TIMM44: variants seen among roughly 807,000 people sequenced by gnomAD.
The protein encoded by TIMM44 is mitochondrial import inner membrane translocase subunit TIM44.
TIMM44 carries 37 observed loss-of-function variants against 63.8 expected under a neutral mutation model. The observed-to-expected ratio is 0.58, with a 90% CI of 0.45 to 0.76. The LOEUF is 0.76. TIMM44 is among the 30% of genes least tolerant of loss of function. The pLI is 0.00. For missense variants in TIMM44, 573 were observed against 603.8 expected (o/e 0.95, Z 0.54); for synonymous variants, 239 against 245.1 (o/e 0.98, Z 0.23).
At chr19:7,941,703 C>T (rs968187315) in intron 1 of TIMM44, among the ~76,000 whole-genome samples, 2 of 151,964 alleles carry the variant, frequency 1.3e-5, no homozygotes, top group Non-Finnish European at 2.9e-5. Context: ...GTCTGTACCT[C>T]CAGGGCCTAC....
At position 7,932,648 on chromosome 19, in the gene TIMM44, G is replaced by A; in HGVS notation, c.966C>T (p.Asp322=). The part of the protein sequence containing the change: ...KDRFLKQCEN[D]IIPNVLEAMI... ...CCACCTCCAGGACATTGGGGATGAT[G>A]TCGTTCTCGCACTGTTTCAGAAACC... is the stretch of plus-strand genomic sequence containing the variant. Residue 322 remains aspartate (D), a synonymous_variant, in exon 9 of 13, where the codon GAC becomes GAT. Coordinates refer to ENST00000270538, the MANE Select transcript of TIMM44 (RefSeq NM_006351.4). 2.5e-6 allele frequency: 4 copies of A among 1,613,974 alleles called. No homozygotes were observed. Among genetic ancestry groups the A allele is most frequent in the Non-Finnish European group, 2.5e-6 (3 of 1,180,028 alleles).
rs1443369449 is a variant in TIMM44, at chr19:7,938,070, C to T, written c.269G>A (p.Arg90Lys). The part of the protein sequence containing the change: ...SIKKFRDEAR[R>K]LEESDVLQEA... ...CTGGAGCACGTCTGATTCTTCTAGCCTTCTGGCCTCGTCACGGAATTTTTT... is the reference window on the plus strand; with the variant it reads ...CTGGAGCACGTCTGATTCTTCTAGCTTTCTGGCCTCGTCACGGAATTTTTT... Residue 90 changes from arginine (R) to lysine (K), a missense_variant, in exon 3 of 13, where the codon AGG becomes AAG. Physicochemically the swap from Arg to Lys is conservative, Grantham distance 26. Transcript: ENST00000270538. The T allele has an allele frequency of 1.9e-6, 3 of 1,614,118 alleles. No individual in the cohort carries two copies. The highest frequency in any genetic ancestry group is 1.7e-5 in the Admixed American group (1 of 59,990).
intron 10 of TIMM44, 124 bp from the exon 11 acceptor site, chr19:7,928,290 A>C (rs1187619535): frequency 1.3e-6 from 1 of 792,350 alleles, no homozygotes. Flanking sequence ...GGCAGAGGCC[A>C]AGAACCCAGG....
At chr19:7,938,546 C>A (rs900859011) in intron 2 of TIMM44, among the ~76,000 whole-genome samples, 9 of 152,154 alleles carry the variant, frequency 5.9e-5, no homozygotes, top group African/African-American at 2.2e-4. Context: ...GTGGTTCACG[C>A]CTGTAATCCC....
chr19:7,931,200 G>A lies in TIMM44; in HGVS notation c.988-12C>T. 1 of 1,613,572 alleles carries A rather than the reference G, an allele frequency of 6.2e-7. No individual in the cohort carries two copies. Among genetic ancestry groups the A allele is most frequent in the Non-Finnish European group, 8.5e-7 (1 of 1,179,548 alleles). On this transcript the variant is annotated splice_polypyrimidine_tract_variant and intron_variant, in intron 9 of 12. Coordinates refer to ENST00000270538, the MANE Select transcript of TIMM44 (RefSeq NM_006351.4). ...CCAGAAATCATGGCCTAAAAAGGAA[G>A]GGAAAATAAGCACCAGAACGAGAGT...
At chr19:7,937,179 TGAG>T (rs1984180141) in intron 3 of TIMM44, among the ~76,000 whole-genome samples, 1 of 151,916 alleles carries the variant, frequency 6.6e-6, no homozygotes, top group African/African-American at 2.4e-5. Context: ...TCCGGGAGGC[TGAG>T]GCAGGAGAAT....
rs1246530921 is a variant in TIMM44 at position 7,934,415 on chromosome 19, C to T, written c.394-177G>A. On this transcript the variant is annotated intron_variant, in intron 4 of 12. Coordinates refer to ENST00000270538, the MANE Select transcript of TIMM44 (RefSeq NM_006351.4). This position sits in a 1 kb window ranked among gnomAD's most constrained non-coding sequence, Gnocchi z 5.3. ...CCAGAGCCATGAGCACAACGGCACC[C>T]CCAGAGCCACGAGCACACCGCCACC... is the stretch of plus-strand genomic sequence containing the variant. 1.3e-5 allele frequency among the ~76,000 whole-genome samples: 2 copies of T among 150,876 alleles called. No homozygotes were observed. The highest frequency in any genetic ancestry group is 3.0e-5 in the Non-Finnish European group (2 of 67,672).
In TIMM44 at chr19:7,933,385, G is replaced by T; in HGVS notation, c.769+100C>A. 1.9e-6 allele frequency: 2 copies of T among 1,078,866 alleles called. No individual in the cohort carries two copies. Among genetic ancestry groups the T allele is most frequent in the Non-Finnish European group, 2.9e-6 (2 of 691,298 alleles). 66.8% of individuals were successfully genotyped at this position (1,078,866 alleles called of 1,614,324 possible). On this transcript the variant is annotated intron_variant, in intron 7 of 12. Transcript: ENST00000270538. This position sits in a 1 kb window ranked among gnomAD's most constrained non-coding sequence, Gnocchi z 4.3. The stretch of plus-strand genomic sequence containing the variant: ...CACTCTGACCCCGATCTCCTCCTCT[G>T]CAAAACGGGGCTGTCTTGTGCCCAA...
At position 7,941,145 on chromosome 19, in the gene TIMM44, C is replaced by G. The variant is rs372206542; in HGVS notation, c.98G>C (p.Gly33Ala). The G allele has an allele frequency of 1.2e-5, 20 of 1,614,080 alleles. No homozygotes were observed. The East Asian group carries it at 2.5e-4, about 20-fold the overall frequency. Residue 33 changes from glycine (G) to alanine (A), a missense_variant, in exon 2 of 13, where the codon GGG becomes GCG. Physicochemically the swap from Gly to Ala is moderately conservative, Grantham distance 60. Coordinates refer to ENST00000270538, the MANE Select transcript of TIMM44 (RefSeq NM_006351.4). ...QFLSSHNLPH[G>A]STYQMRRPGG... ...CGGCCGGCGCATCTGATAGGTCGAC[C>G]CATGGGGTAGGTTGTGGCTGGAAAG...
Position 7,932,746 on chromosome 19 carries a change from G to A in TIMM44, c.868C>T (p.Leu290=). The change falls in exon 9 of 13, where the codon CTG becomes TTG. Residue 290 remains leucine (L), a synonymous_variant. Transcript: ENST00000270538. ...TCCGACATCTCTGTCTTGGAGAACA[G>A]GCCCCCTGCAGGGAGCAGAGCCGGG... is the stretch of plus-strand genomic sequence containing the variant. ...TDKVTDLLGG[L]FSKTEMSEVL... The A allele has an allele frequency of 1.9e-6, 3 of 1,614,140 alleles. No homozygotes were observed. Among genetic ancestry groups the A allele is most frequent in the Non-Finnish European group, 2.5e-6 (3 of 1,179,988 alleles).
At chr19:7,929,142 C>T (rs375029625) in intron 10 of TIMM44, among the ~76,000 whole-genome samples, 2 of 151,956 alleles carry the variant, frequency 1.3e-5, no homozygotes, top group Non-Finnish European at 2.9e-5. Context: ...GGTCGGGGAG[C>T]GAATAGGGTG....
chr19:7,934,276 G>A lies in TIMM44; in HGVS notation c.394-38C>T. On this transcript the variant is annotated intron_variant, in intron 4 of 12. Coordinates refer to ENST00000270538, the MANE Select transcript of TIMM44 (RefSeq NM_006351.4). The surrounding 1 kb of genome is among the most constrained non-coding windows in gnomAD (Gnocchi z 5.3). Reference sequence around the variant, plus strand: ...ACACAGAGAGGGGGCGTTGGCACCGGCCCTGGCGGCCGGGGGGCGGGGCAG... The same window carrying A: ...ACACAGAGAGGGGGCGTTGGCACCGACCCTGGCGGCCGGGGGGCGGGGCAG... The A allele has an allele frequency of 6.2e-7, 1 of 1,606,256 alleles. No individual in the cohort carries two copies. The highest frequency in any genetic ancestry group is 8.5e-7 in the Non-Finnish European group (1 of 1,179,650).
rs1433910589 is a variant in TIMM44, at chr19:7,930,897, C to A, written c.1038+241G>T. On this transcript the variant is annotated intron_variant, in intron 10 of 12. Transcript: ENST00000270538. Reference sequence around the variant, plus strand: ...CCTAACAAAGTTTACAGTCTGGGAGCAAAGGACTGGCGGGTGACCCGGTGT... The same window carrying A: ...CCTAACAAAGTTTACAGTCTGGGAGAAAAGGACTGGCGGGTGACCCGGTGT... 1.6e-4 allele frequency among the ~76,000 whole-genome samples: 24 copies of A among 152,036 alleles called. 1 individual carries two copies. The highest frequency in any genetic ancestry group is 1.6e-3 in the Admixed American group (24 of 15,256).
intron 3 of TIMM44, 86 bp from the exon 4 acceptor site, chr19:7,935,231 T>C (rs1175854011): frequency 8.2e-6 from 10 of 1,223,690 alleles, no homozygotes; most frequent in African/African-American, 1.6e-5. Context: ...AGTGGCACGC[T>C]CTCGGCTCAC....
rs1568296206 is a variant in TIMM44 at position 7,933,796 on chromosome 19, C to A, written c.683+68G>T. The A allele has an allele frequency of 1.2e-6, 2 of 1,600,712 alleles. No homozygotes were observed. Among genetic ancestry groups the A allele is most frequent in the East Asian group, 4.5e-5 (2 of 44,812 alleles). ...GACTCAGGAGGGAACCATTGGTGGG[C>A]TCCCGAAATGGACAGCAGTGAAAGC... is the stretch of plus-strand genomic sequence containing the variant. On this transcript the variant is annotated intron_variant, in intron 6 of 12. Coordinates refer to ENST00000270538, the MANE Select transcript of TIMM44 (RefSeq NM_006351.4). The surrounding 1 kb of genome is among the most constrained non-coding windows in gnomAD (Gnocchi z 4.3).
In TIMM44 at chr19:7,927,726, G is replaced by C; in HGVS notation, c.1170C>G (p.Ile390Met). The change falls in exon 12 of 13, where the codon ATC (isoleucine) becomes ATG (methionine). Residue 390 changes from isoleucine to methionine, a missense_variant. Ile to Met is a conservative substitution (Grantham distance 10). Coordinates refer to ENST00000270538, the MANE Select transcript of TIMM44 (RefSeq NM_006351.4). ...TCACCAGCTGTGCCTGGAAGGTGAT[G>C]ATCAGCACCGGCCCCTGCTCCATCA... The part of the protein sequence containing the change: ...GKMMEQGPVL[I>M]ITFQAQLVMV... 1 of 1,613,060 alleles carries C rather than the reference G, an allele frequency of 6.2e-7. No homozygotes were observed. Among genetic ancestry groups the C allele is most frequent in the Non-Finnish European group, 8.5e-7 (1 of 1,180,014 alleles).
At chr19:7,927,329 C>T (rs776113497) in intron 12 of TIMM44, 23 bp from the exon 13 acceptor site, 4 of 1,607,562 alleles carry the variant, frequency 2.5e-6, no homozygotes, top group Middle Eastern at 2.2e-4. Context: ...GTGGGAAGGG[C>T]ACTGTTGAGA....
rs35483559 is a variant in TIMM44 at position 7,933,848 on chromosome 19, A to T, written c.683+16T>A. 0.067 allele frequency: 108,084 copies of T among 1,613,894 alleles called. 3,765 individuals are homozygous for T. The highest frequency in any genetic ancestry group is 0.077 in the Middle Eastern group (464 of 6,062). On this transcript the variant is annotated intron_variant, in intron 6 of 12. Transcript: ENST00000270538. This position sits in a 1 kb window ranked among gnomAD's most constrained non-coding sequence, Gnocchi z 4.3. ...GCCCAAAATGGGGGCAGCGAGGGCC[A>T]CGGGCTGGTACCTACTCGTTTGGCT...
intron 3 of TIMM44, 72 bp downstream of exon 3, chr19:7,937,955 T>C (rs1028928392): frequency 2.5e-6 from 4 of 1,574,528 alleles, no homozygotes; most frequent in African/African-American, 2.7e-5. Context: ...GAGGTGGAGG[T>C]TGCAGTGAGC....
Sources: gnomAD v4.1 joint callset for allele counts (sites outside exome capture counted in the v4.1 genomes callset) on GRCh38, gnomAD v4.1.1 for gene constraint, Gnocchi (gnomAD v3.1) non-coding constraint, MANE v1.5 for transcripts, NCBI Gene and HGNC (gene_info 2026-07-23, HGNC 2026-07-21) for gene names.